LMX1A: variants seen among roughly 807,000 people sequenced by gnomAD.
LMX1A encodes LIM homeobox transcription factor 1 alpha.
Under a neutral mutation model 49.1 loss-of-function variants are expected in LMX1A, and 15 were observed. The ratio of observed to expected loss-of-function variants is 0.31; its 90% CI spans 0.20 to 0.47. LMX1A has a LOEUF of 0.47. Among genes scored for constraint, LMX1A ranks in the 20% least tolerant of loss-of-function variants. The probability of loss-of-function intolerance (pLI) is 1.00; values close to 1 mark genes in which losing one functional copy is unlikely to be tolerated. For missense variants in LMX1A, 372 were observed against 475.8 expected (o/e 0.78, Z 2.03); for synonymous variants, 167 against 185.7 (o/e 0.90, Z 0.82).
At chr1:165,259,971 T>C (rs571472738) in intron 3 of LMX1A, among the ~76,000 whole-genome samples, 5 of 152,308 alleles carry the variant, frequency 3.3e-5, no homozygotes, top group African/African-American at 1.2e-4. Flanking sequence ...AGCAAAAGAC[T>C]GTGGTGAAAG....
chr1:165,333,985 A>G (rs998340684), intron 3 of LMX1A, among the ~76,000 whole-genome samples: 3 of 152,222 alleles, frequency 2.0e-5, no homozygotes, highest in African/African-American at 7.2e-5. Flanking sequence ...TGTGACATAA[A>G]TTGATTAGTA....
rs2102593193 is a variant in LMX1A at position 165,205,763 on chromosome 1, G to A, written c.988+101C>T. ...TTGTAGGGCACATTATTCTGCTTTG[G>A]AACTTCGGTGAGCATCTGGGAACTG... On this transcript the variant is annotated intron_variant, in intron 8 of 8. Transcript: ENST00000342310. 8.8e-6 allele frequency: 10 copies of A among 1,142,168 alleles called. No homozygotes were observed. In the South Asian group the frequency reaches 1.3e-4, roughly 15 times the overall value. 70.8% of individuals were successfully genotyped at this position (1,142,168 alleles called of 1,614,324 possible).
chr1:165,324,060 A>G (rs1655499034), intron 3 of LMX1A, among the ~76,000 whole-genome samples: 1 of 152,262 alleles, frequency 6.6e-6, no homozygotes, highest in Admixed American at 6.5e-5. Context: ...CCTAATACAG[A>G]TACCAATCCA....
Position 165,355,380 on chromosome 1 carries a change from G to T in LMX1A, c.76+104C>A. ...GGCTCAATTTAGTGTATGAAGAGGG[G>T]CGCTAGCTTCCCTATCGCGGACCAG... On this transcript the variant is annotated intron_variant, in intron 2 of 8. Coordinates refer to ENST00000342310, the MANE Select transcript of LMX1A (RefSeq NM_177398.4). This position sits in a 1 kb window ranked among gnomAD's most constrained non-coding sequence, Gnocchi z 4.7. 1 of 1,053,714 alleles carries T rather than the reference G, an allele frequency of 9.5e-7. No homozygotes were observed. The allele number at this position is 1,053,714 out of a possible 1,614,324, so 65.3% of individuals were successfully genotyped here. A position where few individuals can be genotyped will look rare whatever the true frequency, so the allele number is the denominator to read the frequency against.
intron 3 of LMX1A, among the ~76,000 whole-genome samples, chr1:165,330,068 G>T (rs1337404492): frequency 6.6e-6 from 1 of 152,160 alleles, no homozygotes; most frequent in Non-Finnish European, 1.5e-5. Flanking sequence ...TTATATAATT[G>T]CACTTATTTC....
At chr1:165,279,710 A>G (rs1290361149) in intron 3 of LMX1A, among the ~76,000 whole-genome samples, 2 of 152,240 alleles carry the variant, frequency 1.3e-5, no homozygotes, top group Non-Finnish European at 2.9e-5. Context: ...ACTCGATAAT[A>G]ATAAAAATAA....
Position 165,210,787 on chromosome 1 carries a change from T to G in LMX1A, c.670-11A>C. On this transcript the variant is annotated splice_polypyrimidine_tract_variant and intron_variant, in intron 5 of 8. Coordinates refer to ENST00000342310, the MANE Select transcript of LMX1A (RefSeq NM_177398.4). ...CAGAGTCTCTCTCACCTTGGAAAAA[T>G]TGAACGAGAAATGTAGACACACTGG... 1 of 1,609,534 alleles carries G rather than the reference T, an allele frequency of 6.2e-7. No individual in the cohort carries two copies. The highest frequency in any genetic ancestry group is 8.5e-7 in the Non-Finnish European group (1 of 1,176,498).
chr1:165,219,093 T>C (rs1279225224), intron 4 of LMX1A: 1 of 152,088 alleles, frequency 6.6e-6, no homozygotes, highest in Non-Finnish European at 1.5e-5. Flanking sequence ...AAAAAAAAAA[T>C]CTGGAATGGT....
chr1:165,300,382 G>A (rs1654744903), intron 3 of LMX1A, among the ~76,000 whole-genome samples: 1 of 152,150 alleles, frequency 6.6e-6, no homozygotes. Context: ...CAACAGAGTT[G>A]CTCAGACTCA....
intron 4 of LMX1A, among the ~76,000 whole-genome samples, chr1:165,221,742 G>C (rs1371837895): frequency 6.6e-6 from 1 of 152,178 alleles, no homozygotes; most frequent in Non-Finnish European, 1.5e-5. Context: ...GCTTTCCTCA[G>C]CTGGCTGGTG....
At position 165,207,998 on chromosome 1, in the gene LMX1A, G is replaced by A. The variant is rs1038280076; in HGVS notation, c.817+65C>T. 94 of 1,387,320 alleles carry A rather than the reference G, an allele frequency of 6.8e-5. 1 individual carries two copies. The highest frequency in any genetic ancestry group is 1.1e-5 in the Non-Finnish European group (11 of 985,534). 85.9% of individuals were successfully genotyped at this position (1,387,320 alleles called of 1,614,324 possible). A position where few individuals can be genotyped will look rare whatever the true frequency, so the allele number is the denominator to read the frequency against. ...ATGTCATCCAAAGAGCTGGGTAGTG[G>A]GAGGCCTCTGGTAGGAACAGCCTGG... On this transcript the variant is annotated intron_variant, in intron 7 of 8. Coordinates refer to ENST00000342310, the MANE Select transcript of LMX1A (RefSeq NM_177398.4).
At chr1:165,329,029 CT>C (rs370514557) in intron 3 of LMX1A, among the ~76,000 whole-genome samples, 27 of 152,284 alleles carry the variant, frequency 1.8e-4, no homozygotes, top group African/African-American at 5.8e-4. Context: ...AAGAACTTCC[CT>C]GAGACTGGGA....
rs1652548004 is a variant in LMX1A at position 165,238,991 on chromosome 1, A to AC, written c.496+10416_496+10417insG. 2.0e-5 allele frequency among the ~76,000 whole-genome samples: 3 copies of AC among 152,358 alleles called. No homozygotes were observed. In the East Asian group the frequency reaches 5.8e-4, roughly 29 times the overall value. On this transcript the variant is annotated intron_variant, in intron 4 of 8. Transcript: ENST00000342310. ...ACTTGGTGTGCAGAATAATTCATGT[A>AC]AAATGCATAATTTAAAGTAATGCTT...
At chr1:165,341,252 T>C (rs956888590) in intron 3 of LMX1A, among the ~76,000 whole-genome samples, 10 of 152,196 alleles carry the variant, frequency 6.6e-5, no homozygotes, top group Non-Finnish European at 2.9e-5. Flanking sequence ...GGCACCACCA[T>C]GTCCATGACC....
At chr1:165,315,122 G>A (rs1655182305) in intron 3 of LMX1A, among the ~76,000 whole-genome samples, 1 of 152,096 alleles carries the variant, frequency 6.6e-6, no homozygotes, top group Non-Finnish European at 1.5e-5. Context: ...CTCTCATTAG[G>A]GCTGTTCTCT....
intron 3 of LMX1A, among the ~76,000 whole-genome samples, chr1:165,325,433 A>ATATATG (rs33966384): frequency 0.4 from 59,912 of 148,106 alleles, 12,836 homozygotes; most frequent in Middle Eastern, 0.48. Context: ...ATTTAAAAAT[A>ATATATG]TATATGTATA....
chr1:165,330,107 A>G (rs1470957875), intron 3 of LMX1A, among the ~76,000 whole-genome samples: 6 of 152,212 alleles, frequency 3.9e-5, no homozygotes, highest in African/African-American at 1.4e-4. Flanking sequence ...TAAGGCAGGT[A>G]TTATTATTCT....
At chr1:165,344,070 G>C (rs1226375877) in intron 3 of LMX1A, among the ~76,000 whole-genome samples, 1 of 152,222 alleles carries the variant, frequency 6.6e-6, no homozygotes, top group East Asian at 1.9e-4. Context: ...AAGCAAGAAG[G>C]CACAGCCAAG....
chr1:165,282,600 T>C (rs1332256155), intron 3 of LMX1A, among the ~76,000 whole-genome samples: 1 of 152,200 alleles, frequency 6.6e-6, no homozygotes. Context: ...AGGCCGACTG[T>C]GTAACACAAA....
Sources: gnomAD v4.1 joint callset for allele counts (sites outside exome capture counted in the v4.1 genomes callset) on GRCh38, gnomAD v4.1.1 for gene constraint, Gnocchi (gnomAD v3.1) non-coding constraint, MANE v1.5 for transcripts, NCBI Gene and HGNC (gene_info 2026-07-23, HGNC 2026-07-21) for gene names.